The following PHLDB2 variants were observed in gnomAD, a reference collection of about 807,000 sequenced individuals.
PHLDB2 encodes pleckstrin homology like domain family B member 2.
PHLDB2 carries 71 observed loss-of-function variants against 123.6 expected under a neutral mutation model. The observed-to-expected ratio is 0.57, with a 90% confidence interval of 0.47 to 0.70. The LOEUF (loss-of-function observed/expected upper bound fraction) is 0.70, where lower values mean the gene tolerates loss of function less well. Ranked by LOEUF, PHLDB2 falls within the 30% of genes least tolerant of loss-of-function variation. The probability of loss-of-function intolerance (pLI) is 0.00; values close to 1 mark genes in which losing one functional copy is unlikely to be tolerated. For synonymous variants in PHLDB2, 547 were observed against 541.6 expected (o/e 1.01, Z -0.14); for missense variants, 1,446 against 1,519.5 (o/e 0.95, Z 0.80).
At chr3:111,862,851 ATTTCTACCCCT>A (rs1217891242) in intron 1 of PHLDB2, among the ~76,000 whole-genome samples, 1 of 152,156 alleles carries the variant, frequency 6.6e-6, no homozygotes. Context: ...AGATCACTTA[ATTTCTACCCCT>A]TCTTTTTATA....
At chr3:111,807,025 T>C (rs2061618853) in intron 1 of PHLDB2, among the ~76,000 whole-genome samples, 1 of 151,592 alleles carries the variant, frequency 6.6e-6, no homozygotes, top group Admixed American at 6.6e-5. Flanking sequence ...TTGCCGATTC[T>C]CAGTCCAGGA....
intron 2 of PHLDB2, among the ~76,000 whole-genome samples, chr3:111,910,692 G>A (rs1577064411): frequency 6.6e-6 from 1 of 152,224 alleles, no homozygotes; most frequent in Non-Finnish European, 1.5e-5. Context: ...TGGGAAGGAA[G>A]AAGACTCCAG....
intron 1 of PHLDB2, among the ~76,000 whole-genome samples, chr3:111,821,268 G>T (rs906476637): frequency 3.3e-5 from 5 of 152,210 alleles, no homozygotes. Flanking sequence ...AAGACACTGC[G>T]CCAGAGAGCC....
intron 1 of PHLDB2, among the ~76,000 whole-genome samples, chr3:111,803,877 ATGACTTCAGG>A (rs1316677625): frequency 2.6e-5 from 4 of 152,294 alleles, no homozygotes; most frequent in South Asian, 2.1e-4. Flanking sequence ...TCCAAAGCTA[ATGACTTCAGG>A]TGAAATGGTA....
intron 2 of PHLDB2, among the ~76,000 whole-genome samples, chr3:111,900,525 G>T (rs1002427229): frequency 6.6e-6 from 1 of 152,114 alleles, no homozygotes; most frequent in African/African-American, 2.4e-5. Context: ...TTGATGGAGC[G>T]GTTAGAACAA....
intron 3 of PHLDB2, chr3:111,916,898 T>C (rs571433028): frequency 6.6e-6 from 1 of 152,328 alleles, no homozygotes; most frequent in African/African-American, 2.4e-5. Flanking sequence ...GTAATGTGCT[T>C]ATTAAAACAT....
rs1161511523 is a variant in PHLDB2 at position 111,947,957 on chromosome 3, G to C, written c.2488-975G>C. The stretch of plus-strand genomic sequence containing the variant: ...TTAACTCAATTTCAGCTTTAAAAGA[G>C]AGGTGTTATTTTATATAGCTTTTTC... On this transcript the variant is annotated intron_variant, in intron 9 of 17. Transcript: ENST00000431670. 1.6e-4 allele frequency among the ~76,000 whole-genome samples: 25 copies of C among 152,224 alleles called. 1 individual carries two copies. Among genetic ancestry groups the C allele is most frequent in the Non-Finnish European group, 3.4e-4 (23 of 68,040 alleles).
intron 1 of PHLDB2, among the ~76,000 whole-genome samples, chr3:111,808,312 T>G (rs1297344615): frequency 6.6e-6 from 1 of 151,864 alleles, no homozygotes; most frequent in South Asian, 2.1e-4. Context: ...CCACAGATGA[T>G]CTTTTCTTAT....
At chr3:111,876,111 A>G (rs2065601812) in intron 1 of PHLDB2, among the ~76,000 whole-genome samples, 1 of 152,210 alleles carries the variant, frequency 6.6e-6, no homozygotes, top group Non-Finnish European at 1.5e-5. Flanking sequence ...AGGCAAGAGC[A>G]GATACTGGCT....
chr3:111,854,442 A>G (rs1191905980), upstream of PHLDB2, among the ~76,000 whole-genome samples: 3 of 152,244 alleles, frequency 2.0e-5, no homozygotes, highest in Non-Finnish European at 4.4e-5. Flanking sequence ...TCATTAAATC[A>G]TCATAATATT....
intron 1 of PHLDB2, among the ~76,000 whole-genome samples, chr3:111,739,000 G>T (rs893125347): frequency 2.6e-5 from 4 of 152,116 alleles, no homozygotes; most frequent in African/African-American, 9.7e-5. Context: ...GGCTTTCGTG[G>T]CCTCAATTTT....
At chr3:111,963,615 G>A (rs992860186) in intron 13 of PHLDB2, among the ~76,000 whole-genome samples, 1 of 152,142 alleles carries the variant, frequency 6.6e-6, no homozygotes, top group Admixed American at 6.6e-5. Flanking sequence ...TCAACAAAAA[G>A]TGAAGGGCAA....
intron 2 of PHLDB2, among the ~76,000 whole-genome samples, chr3:111,891,805 A>C (rs1231751379): frequency 6.6e-6 from 1 of 152,178 alleles, no homozygotes; most frequent in Non-Finnish European, 1.5e-5. Flanking sequence ...GTCCAGAGGT[A>C]GTGATGGCCG....
upstream of PHLDB2, among the ~76,000 whole-genome samples, chr3:111,855,792 G>A (rs779294608): frequency 2.6e-4 from 39 of 151,846 alleles, no homozygotes; most frequent in East Asian, 9.6e-4. Flanking sequence ...CACCATGCCC[G>A]GCTAATATTT....
Position 111,755,752 on chromosome 3 carries a change from A to G in PHLDB2, c.-49+23049A>G, listed in dbSNP as rs1294714529. ...CTTTTAATTGTGATGTTAGGGTGTC[A>G]ATTTTGGATCTTTCCTGCTTTCTCT... On this transcript the variant is annotated intron_variant, in intron 1 of 17. Coordinates refer to the PHLDB2 transcript ENST00000393923. Among the ~76,000 whole-genome samples the G allele has an allele frequency of 3.5e-3, 472 of 135,788 alleles. 1 individual carries two copies. Among genetic ancestry groups the G allele is most frequent in the African/African-American group, 0.014 (450 of 32,824 alleles). The allele number at this position is 135,788 out of a possible 152,430, so 89.1% of individuals were successfully genotyped here. A position where few individuals can be genotyped will look rare whatever the true frequency, so the allele number is the denominator to read the frequency against.
chr3:111,740,510 C>T (rs994272529), intron 1 of PHLDB2, among the ~76,000 whole-genome samples: 1 of 152,090 alleles, frequency 6.6e-6, no homozygotes, highest in African/African-American at 2.4e-5. Context: ...TGCTTTACTC[C>T]ACAAAAATCT....
chr3:111,930,956 G>T (rs2069111536), intron 5 of PHLDB2, among the ~76,000 whole-genome samples: 1 of 152,196 alleles, frequency 6.6e-6, no homozygotes, highest in Non-Finnish European at 1.5e-5. Context: ...AGACTCAAGT[G>T]AACTGGTATT....
At chr3:111,923,050 C>T (rs987268750) in intron 5 of PHLDB2, among the ~76,000 whole-genome samples, 1 of 152,144 alleles carries the variant, frequency 6.6e-6, no homozygotes, top group African/African-American at 2.4e-5. Context: ...TATCGATTAA[C>T]GATAAGCTAC....
At chr3:111,847,957 T>C (rs1317251490) in intron 2 of PHLDB2, among the ~76,000 whole-genome samples, 1 of 152,034 alleles carries the variant, frequency 6.6e-6, no homozygotes, top group Non-Finnish European at 1.5e-5. Context: ...CTTTACTTAA[T>C]TGTAGACTAC....
Sources: allele counts gnomAD v4.1 joint callset (sites outside exome capture counted in the v4.1 genomes callset), GRCh38; gene constraint gnomAD v4.1.1; transcripts MANE v1.5; gene names NCBI Gene and HGNC (gene_info 2026-07-23, HGNC 2026-07-21).